The following FER variants were observed in gnomAD, a reference collection of about 807,000 sequenced individuals.
FER encodes tyrosine-protein kinase Fer.
FER carries 63 observed loss-of-function variants against 111.0 expected under a neutral mutation model. The ratio of observed to expected loss-of-function variants is 0.57; its 90% CI spans 0.46 to 0.70. The LOEUF (loss-of-function observed/expected upper bound fraction) is 0.70. Ranked by LOEUF, FER falls within the 30% of genes least tolerant of loss-of-function variation. The pLI is 0.00. For missense variants in FER, 914 were observed against 954.0 expected (o/e 0.96, Z 0.55); for synonymous variants, 327 against 313.9 (o/e 1.04, Z -0.44).
intron 13 of FER, among the ~76,000 whole-genome samples, chr5:109,003,297 A>G (rs1765052885): frequency 6.7e-6 from 1 of 148,508 alleles, no homozygotes; most frequent in South Asian, 2.1e-4. Context: ...ATAAAAAATG[A>G]TGAGTTCATG....
chr5:108,878,495 A>G (rs1256943119), intron 8 of FER, among the ~76,000 whole-genome samples: 3 of 151,938 alleles, frequency 2.0e-5, no homozygotes, highest in Admixed American at 2.0e-4. Context: ...TTTTTTTAAC[A>G]TGTATTAAAT....
chr5:108,788,730 T>C (rs1236273560), intron 2 of FER, among the ~76,000 whole-genome samples: 1 of 152,148 alleles, frequency 6.6e-6, no homozygotes, highest in Admixed American at 6.5e-5. Context: ...CTTTAAGTAA[T>C]TGACTCTTGA....
intron 17 of FER, among the ~76,000 whole-genome samples, chr5:109,163,445 T>C (rs1158396603): frequency 2.6e-5 from 4 of 152,140 alleles, no homozygotes; most frequent in Non-Finnish European, 2.9e-5. Context: ...TACATTTAGC[T>C]TTATAAGAAA....
At chr5:109,014,052 A>G (rs1386757807) in intron 13 of FER, among the ~76,000 whole-genome samples, 1 of 150,622 alleles carries the variant, frequency 6.6e-6, no homozygotes, top group South Asian at 2.1e-4. Context: ...CTCTGATGGT[A>G]GTTTCTTTTG....
At chr5:108,907,286 T>C (rs745810443) in intron 10 of FER, among the ~76,000 whole-genome samples, 1 of 151,220 alleles carries the variant, frequency 6.6e-6, no homozygotes, top group Non-Finnish European at 1.5e-5. Context: ...ATTAGCCAAC[T>C]TCTTTTCTTT....
chr5:109,036,905 C>T (rs763997169), intron 13 of FER, among the ~76,000 whole-genome samples: 1 of 151,932 alleles, frequency 6.6e-6, no homozygotes, highest in East Asian at 1.9e-4. Flanking sequence ...CTTTATTATA[C>T]CACAGGAGAT....
chr5:109,155,880 C>G (rs1427385942), intron 17 of FER, among the ~76,000 whole-genome samples: 2 of 151,944 alleles, frequency 1.3e-5, no homozygotes, highest in African/African-American at 4.8e-5. Flanking sequence ...CAGGGTTTCA[C>G]TAAGGTTTTT....
At chr5:109,066,286 A>G (rs978038666) in intron 16 of FER, among the ~76,000 whole-genome samples, 1 of 152,206 alleles carries the variant, frequency 6.6e-6, no homozygotes, top group Admixed American at 6.5e-5. Flanking sequence ...CCCTTCCTGT[A>G]GTTAACACCT....
At chr5:108,775,507 G>T (rs1753391070) in intron 2 of FER, among the ~76,000 whole-genome samples, 2 of 151,998 alleles carry the variant, frequency 1.3e-5, no homozygotes, top group Non-Finnish European at 2.9e-5. Flanking sequence ...TTAAATATCA[G>T]TACTTCAAAT....
chr5:108,855,505 C>T (rs1473338061), intron 5 of FER, among the ~76,000 whole-genome samples: 1 of 150,510 alleles, frequency 6.6e-6, no homozygotes, highest in Non-Finnish European at 1.5e-5. Context: ...CCTGTAGTCC[C>T]AGCTACTCGG....
At chr5:109,186,898 G>A (rs1236714631) in intron 19 of FER, among the ~76,000 whole-genome samples, 1 of 152,182 alleles carries the variant, frequency 6.6e-6, no homozygotes, top group Non-Finnish European at 1.5e-5. Flanking sequence ...AGTGGATGAA[G>A]GAAGATGCCT....
intron 10 of FER, among the ~76,000 whole-genome samples, chr5:108,898,169 G>A (rs1749425939): frequency 6.6e-6 from 1 of 152,060 alleles, no homozygotes; most frequent in Non-Finnish European, 1.5e-5. Flanking sequence ...TAAGCAATAA[G>A]AAGAAAGCTA....
intron 13 of FER, among the ~76,000 whole-genome samples, chr5:108,985,745 G>C (rs1561720934): frequency 6.6e-6 from 1 of 152,110 alleles, no homozygotes; most frequent in Non-Finnish European, 1.5e-5. Flanking sequence ...GTTGCATCCA[G>C]GTGGCTGCAA....
intron 11 of FER, among the ~76,000 whole-genome samples, chr5:108,950,833 CA>C (rs1380543093): frequency 6.6e-6 from 1 of 152,060 alleles, no homozygotes; most frequent in East Asian, 1.9e-4. Context: ...CCTTTCACTG[CA>C]AATAATTTTT....
intron 13 of FER, among the ~76,000 whole-genome samples, chr5:108,982,534 T>C (rs991422605): frequency 1.3e-5 from 2 of 152,074 alleles, no homozygotes; most frequent in African/African-American, 4.8e-5. Context: ...AAAATTGATT[T>C]TTGCAGTCTT....
rs73780772 is a variant in FER at position 108,929,577 on chromosome 5, T to C, written c.1237-16553T>C. On this transcript the variant is annotated intron_variant, in intron 10 of 19. Transcript: ENST00000281092. ...TAAGGTACATGATCCTTTTAAGGAA[T>C]TGGGCTTACAAAGAAGGAGGTGATT... Among the ~76,000 whole-genome samples, 567 of 152,014 alleles carry C rather than the reference T, an allele frequency of 3.7e-3. 4 individuals carry two copies. The highest frequency in any genetic ancestry group is 0.013 in the African/African-American group (537 of 41,354).
rs76283309 is a variant in FER at position 109,137,410 on chromosome 5, C to T, written c.2048+36891C>T. Among the ~76,000 whole-genome samples, 1,171 of 152,320 alleles carry T rather than the reference C, an allele frequency of 7.7e-3. 11 individuals carry two copies. The highest frequency in any genetic ancestry group is 0.027 in the African/African-American group (1,136 of 41,578). ...GTTTGTTCCTAACCAGCTTTCCCGACAGGCCTGTTTTTCTCTATTCACATA... is the reference window on the plus strand; with the variant it reads ...GTTTGTTCCTAACCAGCTTTCCCGATAGGCCTGTTTTTCTCTATTCACATA... On this transcript the variant is annotated intron_variant, in intron 17 of 19. Coordinates refer to ENST00000281092, the MANE Select transcript of FER (RefSeq NM_005246.4).
chr5:109,038,658 C>A (rs1474262375), intron 14 of FER, among the ~76,000 whole-genome samples: 1 of 151,888 alleles, frequency 6.6e-6, no homozygotes, highest in Admixed American at 6.6e-5. Flanking sequence ...TTTATTTCCT[C>A]ATCCTTAAGG....
intron 10 of FER, among the ~76,000 whole-genome samples, chr5:108,918,014 T>C (rs758213073): frequency 4.6e-5 from 7 of 152,102 alleles, no homozygotes; most frequent in Non-Finnish European, 5.9e-5. Flanking sequence ...AATATAAATA[T>C]AAAATAAAAT....
Sources: allele counts gnomAD v4.1 joint callset (sites outside exome capture counted in the v4.1 genomes callset), GRCh38; gene constraint gnomAD v4.1.1; transcripts MANE v1.5; gene names NCBI Gene and HGNC (gene_info 2026-07-23, HGNC 2026-07-21).